The following USP46 variants were observed in gnomAD, a reference collection of about 807,000 sequenced individuals.
USP46 encodes ubiquitin specific peptidase 46.
Under a neutral mutation model 44.4 loss-of-function variants are expected in USP46, and 12 were observed. That is an observed-to-expected ratio of 0.27 (90% CI 0.17 to 0.44). The LOEUF is 0.44. USP46 is among the 20% of genes least tolerant of loss of function. The probability of loss-of-function intolerance (pLI) is 1.00; values close to 1 mark genes in which losing one functional copy is unlikely to be tolerated. For missense variants in USP46, 248 were observed against 444.8 expected, an observed-to-expected ratio of 0.56 and a Z score of 3.98; for synonymous variants, 155 against 161.5, an observed-to-expected ratio of 0.96 and a Z score of 0.31.
chr4:52,649,193 C>A (rs1055743044), intron 1 of USP46, among the ~76,000 whole-genome samples: 1 of 152,230 alleles, frequency 6.6e-6, no homozygotes, highest in African/African-American at 2.4e-5. Context: ...AGTAGAATTT[C>A]ACTGGATCCT....
intron 1 of USP46, among the ~76,000 whole-genome samples, chr4:52,658,753 G>A (rs1719055674): frequency 6.6e-6 from 1 of 152,200 alleles, no homozygotes; most frequent in Non-Finnish European, 1.5e-5. Flanking sequence ...AGAAGAGGAT[G>A]GGTGCCCCCC....
At chr4:52,626,373 A>G (rs935186045) in intron 3 of USP46, 126 bp from the exon 4 acceptor site, 1 of 770,380 alleles carries the variant, frequency 1.3e-6, no homozygotes, top group African/African-American at 1.8e-5. Context: ...GCCAGGCTAG[A>G]GCGTAGTGGC....
At chr4:52,632,327 C>G (rs1577682896) in intron 1 of USP46, among the ~76,000 whole-genome samples, 1 of 152,120 alleles carries the variant, frequency 6.6e-6, no homozygotes, top group African/African-American at 2.4e-5. Context: ...CTGAATGAGT[C>G]TTCTAGGATT....
At chr4:52,633,083 GACT>G (rs1446166320) in intron 1 of USP46, among the ~76,000 whole-genome samples, 2 of 152,074 alleles carry the variant, frequency 1.3e-5, no homozygotes, top group African/African-American at 4.8e-5. Context: ...ACTTATTTTG[GACT>G]CACAACTGGC....
intron 7 of USP46, among the ~76,000 whole-genome samples, chr4:52,601,421 A>G (rs985344400): frequency 5.3e-5 from 8 of 152,210 alleles, no homozygotes; most frequent in Admixed American, 6.5e-5. Context: ...TTTTTTAAGA[A>G]TATATTTTTA....
chr4:52,592,975 G>A lies in USP46; in HGVS notation c.*4665C>T, dbSNP rs189322198. ...TCCTGAGGCCTCCCCCAGAACAGAAGCCTGTACAGCCCATAAAACCATGAG... is the reference window on the plus strand; with the variant it reads ...TCCTGAGGCCTCCCCCAGAACAGAAACCTGTACAGCCCATAAAACCATGAG... On this transcript the variant is annotated 3_prime_UTR_variant, in exon 9 of 9. Coordinates refer to ENST00000441222, the MANE Select transcript of USP46 (RefSeq NM_022832.4). 1 of 398,604 alleles carries A rather than the reference G, an allele frequency of 2.5e-6. No homozygotes were observed. The highest frequency in any genetic ancestry group is 4.4e-5 in the Admixed American group (1 of 22,728). The allele number at this position is 398,604 out of a possible 1,614,324, so 24.7% of individuals were successfully genotyped here.
chr4:52,625,555 G>A (rs906467218), intron 4 of USP46, among the ~76,000 whole-genome samples: 3 of 152,180 alleles, frequency 2.0e-5, no homozygotes, highest in Admixed American at 6.5e-5. Context: ...AAACAGTGCT[G>A]TAAGTAACTC....
chr4:52,598,856 C>A, intron 7 of USP46, 150 bp from the exon 8 acceptor site: 1 of 684,756 alleles, frequency 1.5e-6, no homozygotes, highest in East Asian at 2.7e-5. Context: ...TCTATGTTTA[C>A]AACACCATGC....
intron 1 of USP46, among the ~76,000 whole-genome samples, chr4:52,645,443 T>G (rs1013000586): frequency 6.6e-6 from 1 of 152,120 alleles, no homozygotes; most frequent in Non-Finnish European, 1.5e-5. Context: ...GAAGTCCTCA[T>G]GCAAAACTAA....
intron 4 of USP46, among the ~76,000 whole-genome samples, chr4:52,613,218 A>G (rs1385570926): frequency 6.6e-6 from 1 of 152,114 alleles, no homozygotes. Flanking sequence ...GCCCACTGGA[A>G]AGAAAGGAAA....
chr4:52,638,499 T>C (rs1294182353), intron 1 of USP46, among the ~76,000 whole-genome samples: 1 of 151,872 alleles, frequency 6.6e-6, no homozygotes, highest in Non-Finnish European at 1.5e-5. Context: ...ACAGCAGCAA[T>C]AGGAAAGTAA....
intron 1 of USP46, chr4:52,656,340 A>G (rs1339557156): frequency 7.0e-7 from 1 of 1,432,720 alleles, no homozygotes; most frequent in Non-Finnish European, 9.3e-7. Context: ...AGAGAGGTCC[A>G]GTTAATATTT....
At chr4:52,599,254 G>T (rs1450836286) in intron 7 of USP46, among the ~76,000 whole-genome samples, 1 of 152,004 alleles carries the variant, frequency 6.6e-6, no homozygotes, top group Non-Finnish European at 1.5e-5. Context: ...AATGGCAGGG[G>T]GAGGGGTAGG....
chr4:52,630,107 G>A (rs576778017), intron 2 of USP46, among the ~76,000 whole-genome samples: 1 of 152,160 alleles, frequency 6.6e-6, no homozygotes, highest in Non-Finnish European at 1.5e-5. Flanking sequence ...CTACATCCCA[G>A]AGAAAAAGGA....
intron 4 of USP46, among the ~76,000 whole-genome samples, chr4:52,612,397 CTTCT>C (rs1716968713): frequency 6.6e-6 from 1 of 152,188 alleles, no homozygotes; most frequent in Non-Finnish European, 1.5e-5. Flanking sequence ...CCTCTACTGG[CTTCT>C]TTGTCATATG....
rs767455733 is a variant in USP46, at chr4:52,631,172, G to A, written c.37-28C>T. 5 of 1,528,196 alleles carry A rather than the reference G, an allele frequency of 3.3e-6. No homozygotes were observed. In the African/African-American group the frequency reaches 4.1e-5, roughly 13 times the overall value. The allele number at this position is 1,528,196 out of a possible 1,614,324, so 94.7% of individuals were successfully genotyped here. On this transcript the variant is annotated intron_variant, in intron 1 of 8. Coordinates refer to ENST00000441222, the MANE Select transcript of USP46 (RefSeq NM_022832.4). ...AAAAGAGAAAAATAGCAAAAGTTCT[G>A]TTGCATGTAAAATAGACAAAAAGTA...
chr4:52,643,038 G>C (rs1212912488), intron 1 of USP46, among the ~76,000 whole-genome samples: 3 of 152,196 alleles, frequency 2.0e-5, no homozygotes, highest in African/African-American at 7.2e-5. Flanking sequence ...GGAGAGGGTA[G>C]GGGAGGAGAA....
chr4:52,633,019 AAAG>A (rs1717976487), intron 1 of USP46, among the ~76,000 whole-genome samples: 1 of 149,506 alleles, frequency 6.7e-6, no homozygotes, highest in African/African-American at 2.5e-5. Context: ...AGAAAGAAAG[AAAG>A]AAAGAAAAAG....
At chr4:52,628,227 T>A (rs937677328) in intron 2 of USP46, 64 bp from the exon 3 acceptor site, 2 of 1,522,336 alleles carry the variant, frequency 1.3e-6, no homozygotes, top group African/African-American at 2.7e-5. Flanking sequence ...CTGGAATAAG[T>A]GGTGAGGGTG....
Sources: allele counts gnomAD v4.1 joint callset (sites outside exome capture counted in the v4.1 genomes callset), GRCh38; gene constraint gnomAD v4.1.1; transcripts MANE v1.5; gene names NCBI Gene and HGNC (gene_info 2026-07-23, HGNC 2026-07-21).